The following NECTIN4 variants were observed in gnomAD, a reference collection of about 807,000 sequenced individuals.
The protein encoded by NECTIN4 is nectin cell adhesion molecule 4.
NECTIN4 carries 19 observed loss-of-function variants against 51.7 expected under a neutral mutation model. The ratio of observed to expected loss-of-function variants is 0.37; its 90% CI spans 0.26 to 0.54. The LOEUF (loss-of-function observed/expected upper bound fraction) is 0.54. NECTIN4 is among the 20% of genes least tolerant of loss of function. The pLI, the probability that NECTIN4 is intolerant of heterozygous loss-of-function variation, is 0.86. For missense variants in NECTIN4, 619 were observed against 662.4 expected (o/e 0.93, Z 0.72); for synonymous variants, 283 against 286.9 (o/e 0.99, Z 0.14).
chr1:161,080,037 A>G (rs1407834059), intron 1 of NECTIN4, 88 bp from the exon 2 acceptor site: 2 of 1,472,496 alleles, frequency 1.4e-6, no homozygotes, highest in Non-Finnish European at 1.8e-6. Flanking sequence ...AGCAAAGGTG[A>G]CCGGAACTCC....
In NECTIN4 at chr1:161,072,253, A is replaced by T. The variant is rs1653199233; in HGVS notation, c.*408T>A. On this transcript the variant is annotated 3_prime_UTR_variant, in exon 9 of 9. Coordinates refer to ENST00000368012, the MANE Select transcript of NECTIN4 (RefSeq NM_030916.3). ...ACCTGCTTTTTCAGGCAGAGGTCACACACAGCCACATGACACACACGCCAA... is the reference window on the plus strand; with the variant it reads ...ACCTGCTTTTTCAGGCAGAGGTCACTCACAGCCACATGACACACACGCCAA... The T allele has an allele frequency of 8.6e-6, 3 of 348,462 alleles. No homozygotes were observed. Among genetic ancestry groups the T allele is most frequent in the Non-Finnish European group, 1.7e-5 (3 of 178,904 alleles). The allele number at this position is 348,462 out of a possible 1,614,324, so 21.6% of individuals were successfully genotyped here.
At chr1:161,085,825 C>T (rs963608808) in intron 1 of NECTIN4, among the ~76,000 whole-genome samples, 2 of 151,788 alleles carry the variant, frequency 1.3e-5, no homozygotes, top group African/African-American at 4.8e-5. Flanking sequence ...TAGCTGGGAC[C>T]ACAGGTATAC....
At chr1:161,079,036 T>C (rs576269593) in intron 2 of NECTIN4, among the ~76,000 whole-genome samples, 2 of 152,240 alleles carry the variant, frequency 1.3e-5, no homozygotes, top group African/African-American at 4.8e-5. Context: ...GCGATTGTGA[T>C]CTCAGACCAC....
intron 1 of NECTIN4, among the ~76,000 whole-genome samples, chr1:161,088,179 T>C (rs952656936): frequency 1.3e-5 from 2 of 152,134 alleles, no homozygotes; most frequent in Non-Finnish European, 2.9e-5. Flanking sequence ...CTTATTTCCC[T>C]CCTCAAAGCT....
Position 161,073,798 on chromosome 1 carries a change from G to C in NECTIN4, c.1158-3C>G. ...TGGTCAGGGTCAGCTCCTCCTCACT[G>C]GGAAAGACACACCCTTGTCAGGAGC... On this transcript the variant is annotated splice_region_variant and splice_polypyrimidine_tract_variant and intron_variant, in intron 6 of 8. Transcript: ENST00000368012. The C allele has an allele frequency of 6.2e-7, 1 of 1,613,658 alleles. No individual in the cohort carries two copies. The highest frequency in any genetic ancestry group is 8.5e-7 in the Non-Finnish European group (1 of 1,179,624).
At chr1:161,083,370 G>A (rs560345062) in intron 1 of NECTIN4, among the ~76,000 whole-genome samples, 1 of 152,276 alleles carries the variant, frequency 6.6e-6, no homozygotes, top group East Asian at 1.9e-4. Context: ...TCCAGGCCAG[G>A]GCAGGCCAGG....
At chr1:161,078,563 C>T (rs1432527700) in intron 2 of NECTIN4, among the ~76,000 whole-genome samples, 1 of 152,028 alleles carries the variant, frequency 6.6e-6, no homozygotes, top group East Asian at 1.9e-4. Context: ...CCACCTCAGC[C>T]TCCCAAAGTG....
chr1:161,081,956 G>T (rs1557949253), intron 1 of NECTIN4, among the ~76,000 whole-genome samples: 1 of 152,110 alleles, frequency 6.6e-6, no homozygotes, highest in African/African-American at 2.4e-5. Context: ...TGGTATGTGG[G>T]TTCCGTCAAC....
At chr1:161,078,198 T>G (rs1215068806) in intron 2 of NECTIN4, among the ~76,000 whole-genome samples, 1 of 152,168 alleles carries the variant, frequency 6.6e-6, no homozygotes, top group African/African-American at 2.4e-5. Context: ...TGACAAAGCC[T>G]AGATTTACAC....
chr1:161,076,393 C>A lies in NECTIN4; in HGVS notation c.813G>T (p.Leu271=), dbSNP rs1184866497. Residue 271 remains leucine (L), a synonymous_variant, in exon 4 of 9, where the codon CTG becomes CTT. Transcript: ENST00000368012. The part of the protein sequence containing the change: ...IGREGAMLKC[L]SEGQPPPSYN... ...ATGAGGGAGGGGGCTGCCCTTCACT[C>A]AGGCACTTGAGCATAGCTCCTTCTC... is the stretch of plus-strand genomic sequence containing the variant. 1 of 1,614,202 alleles carries A rather than the reference C, an allele frequency of 6.2e-7. No individual in the cohort carries two copies. The highest frequency in any genetic ancestry group is 1.7e-5 in the Admixed American group (1 of 60,020).
chr1:161,077,309 C>G, intron 3 of NECTIN4, 144 bp downstream of exon 3: 1 of 877,350 alleles, frequency 1.1e-6, no homozygotes, highest in Non-Finnish European at 1.9e-6. Flanking sequence ...AGGTCTTCCA[C>G]ATTTGGACTA....
rs1408647156 is a variant in NECTIN4 at position 161,089,237 on chromosome 1, TAGC to T, written c.57_59del (p.Leu22del). On this transcript the variant is annotated inframe_deletion, in exon 1 of 9. Coordinates refer to ENST00000368012, the MANE Select transcript of NECTIN4 (RefSeq NM_030916.3). This position sits in a 1 kb window ranked among gnomAD's most constrained non-coding sequence, Gnocchi z 4.1. ...TCCTACCTGTAAATGATGCCAGCAGTAGCAGCAGCAGCAGCCAGGCCTCAGGCC... is the reference window on the plus strand; with the variant it reads ...TCCTACCTGTAAATGATGCCAGCAGTAGCAGCAGCAGCCAGGCCTCAGGCC... 1.2e-5 allele frequency: 19 copies of T among 1,612,154 alleles called. No homozygotes were observed. The highest frequency in any genetic ancestry group is 2.5e-6 in the Non-Finnish European group (3 of 1,179,518).
Position 161,077,513 on chromosome 1 carries a change from C to A in NECTIN4, c.670G>T (p.Val224Leu), listed in dbSNP as rs367813985. 123 of 1,614,004 alleles carry A rather than the reference C, an allele frequency of 7.6e-5. No homozygotes were observed. The highest frequency in any genetic ancestry group is 1.5e-4 in the Admixed American group (9 of 60,008). Residue 224 changes from valine (V) to leucine (L), a missense_variant, in exon 3 of 9, where the codon GTG becomes TTG. Physicochemically the swap from Val to Leu is conservative, Grantham distance 32. This residue lies in a region of NECTIN4 where 364 missense variants were observed against 415.7 expected (regional missense o/e 0.88). Transcript: ENST00000368012. ...RSMNGQPLTC[V>L]VSHPGLLQDQ... ...TGGAGCAGGCCAGGATGGGACACCA[C>A]ACAAGTCAGTGGCTGCCCATTCATG...
At chr1:161,073,577 A>G (rs1416363016) in intron 7 of NECTIN4, 143 bp downstream of exon 7, 47 of 851,494 alleles carry the variant, frequency 5.5e-5, no homozygotes, top group South Asian at 4.2e-4. Flanking sequence ...ACACCCTCTC[A>G]ACTCTACCCC....
At chr1:161,084,728 CCCCAA>C (rs1363914132) in intron 1 of NECTIN4, 2 of 152,384 alleles carry the variant, frequency 1.3e-5, no homozygotes, top group East Asian at 3.9e-4. Flanking sequence ...AGCTCTGGCC[CCCCAA>C]GGAGGCCTCT....
intron 1 of NECTIN4, 126 bp from the exon 2 acceptor site, chr1:161,080,075 T>C: frequency 8.7e-7 from 1 of 1,148,896 alleles, no homozygotes; most frequent in Non-Finnish European, 1.2e-6. Context: ...CAAAGCACAT[T>C]CAGTTCATTA....
Position 161,079,893 on chromosome 1 carries a change from G to A in NECTIN4, c.136C>T (p.Gln46Ter), listed in dbSNP as rs961408250. 6.2e-7 allele frequency: 1 copy of A among 1,613,396 alleles called. No individual in the cohort carries two copies. Among genetic ancestry groups the A allele is most frequent in the Non-Finnish European group, 8.5e-7 (1 of 1,179,748 alleles). The change falls in exon 2 of 9, where the codon CAG becomes TAG. Residue 46 changes from glutamine (Q) to a stop codon, truncating the protein, a stop_gained. Coordinates refer to ENST00000368012, the MANE Select transcript of NECTIN4 (RefSeq NM_030916.3). LOFTEE classifies it high-confidence loss of function. ...TAGAAGCAGGGCAGTTTTGCGTCCT[G>A]GCCCAGCACCACAGTTACCACGTCT... ...TSDVVTVVLGQDAKLPCFYRG... is the reference protein window; with the variant it reads ...TSDVVTVVLG
Position 161,077,605 on chromosome 1 carries a change from C to T in NECTIN4, c.578G>A (p.Ser193Asn). Residue 193 changes from serine to asparagine, a missense_variant, in exon 3 of 9, where the codon AGC becomes AAC. Physicochemically the swap from Ser to Asn is conservative, Grantham distance 46 (BLOSUM62 1). Transcript: ENST00000368012. ...AGAGCGGGAGTGCTTGAAGGAACGG[C>T]TGGACGTTGTGCCTTTGACCTCCGT... ...WDTEVKGTTS[S>N]RSFKHSRSAA... The T allele has an allele frequency of 6.2e-7, 1 of 1,613,840 alleles. No individual in the cohort carries two copies. The highest frequency in any genetic ancestry group is 8.5e-7 in the Non-Finnish European group (1 of 1,180,040).
At chr1:161,073,372 T>C in intron 7 of NECTIN4, 73 bp from the exon 8 acceptor site, 2 of 1,237,378 alleles carry the variant, frequency 1.6e-6, no homozygotes, top group Non-Finnish European at 2.4e-6. Context: ...CCTCTTGTCC[T>C]CCACCAGCCT....
Sources: allele counts gnomAD v4.1 joint callset (sites outside exome capture counted in the v4.1 genomes callset), GRCh38; gene constraint gnomAD v4.1.1; regional missense constraint gnomAD v4.1.1; non-coding constraint Gnocchi (gnomAD v3.1); transcripts MANE v1.5; gene names NCBI Gene and HGNC (gene_info 2026-07-23, HGNC 2026-07-21).